The following SMYD3 variants were observed in gnomAD, a reference collection of about 807,000 sequenced individuals.
SMYD3 encodes SET and MYND domain containing 3.
Under a neutral mutation model 57.7 loss-of-function variants are expected in SMYD3, and 36 were observed. That is an observed-to-expected ratio of 0.62 (90% CI 0.48 to 0.82). The LOEUF is 0.82. Among genes scored for constraint, SMYD3 ranks in the 40% least tolerant of loss-of-function variants. The probability of loss-of-function intolerance (pLI) is 0.00; values close to 1 mark genes in which losing one functional copy is unlikely to be tolerated. For synonymous variants in SMYD3, 211 were observed against 195.0 expected, an observed-to-expected ratio of 1.08 and a Z score of -0.68; for missense variants, 515 against 538.8, an observed-to-expected ratio of 0.96 and a Z score of 0.44.
intron 5 of SMYD3, among the ~76,000 whole-genome samples, chr1:246,143,263 C>T (rs955544297): frequency 7.9e-5 from 12 of 152,090 alleles, no homozygotes; most frequent in South Asian, 2.1e-4. Context: ...GCAAGAAATA[C>T]GTCTTCCCAA....
chr1:246,274,730 A>G (rs1215850095), intron 5 of SMYD3, among the ~76,000 whole-genome samples: 4 of 152,102 alleles, frequency 2.6e-5, no homozygotes, highest in African/African-American at 9.7e-5. Flanking sequence ...GGAATATGAC[A>G]AAAAGCACCT....
chr1:246,445,284 T>C (rs939878248), intron 1 of SMYD3, among the ~76,000 whole-genome samples: 3 of 152,164 alleles, frequency 2.0e-5, no homozygotes, highest in Admixed American at 1.3e-4. Flanking sequence ...CTCTCCTGAG[T>C]GTAAATCACT....
chr1:246,261,508 T>C (rs2064012296), intron 5 of SMYD3, among the ~76,000 whole-genome samples: 1 of 152,030 alleles, frequency 6.6e-6, no homozygotes, highest in Admixed American at 6.6e-5. Flanking sequence ...ACAATAAATA[T>C]AGGAAGGTCA....
At chr1:245,860,025 G>A (rs1188813498) in intron 9 of SMYD3, among the ~76,000 whole-genome samples, 2 of 152,150 alleles carry the variant, frequency 1.3e-5, no homozygotes, top group South Asian at 2.1e-4. Flanking sequence ...GGAACATTTC[G>A]TGGCATGCAC....
At chr1:246,049,540 C>T (rs968292641) in intron 5 of SMYD3, among the ~76,000 whole-genome samples, 1 of 151,592 alleles carries the variant, frequency 6.6e-6, no homozygotes, top group East Asian at 1.9e-4. Flanking sequence ...CTCCTGACCT[C>T]GTGATCCGCC....
intron 1 of SMYD3, among the ~76,000 whole-genome samples, chr1:246,454,271 C>A (rs555857593): frequency 6.6e-6 from 1 of 152,226 alleles, no homozygotes; most frequent in South Asian, 2.1e-4. Flanking sequence ...AGTCAAGCAA[C>A]CAGGCAACCA....
intron 5 of SMYD3, among the ~76,000 whole-genome samples, chr1:246,048,374 T>A (rs368765927): frequency 1.3e-5 from 2 of 152,126 alleles, no homozygotes; most frequent in African/African-American, 4.8e-5. Flanking sequence ...AAATTCTACT[T>A]TGAAGAGCCT....
At chr1:246,014,674 G>A (rs2059345910) in intron 5 of SMYD3, among the ~76,000 whole-genome samples, 2 of 152,098 alleles carry the variant, frequency 1.3e-5, no homozygotes, top group Admixed American at 6.5e-5. Context: ...TGGACTTGTA[G>A]ATAACTTCTT....
rs2103082559 is a variant in SMYD3 at position 246,506,439 on chromosome 1, C to A, written c.164+615G>T. On this transcript the variant is annotated intron_variant, in intron 1 of 11. Transcript: ENST00000490107. ...ATGCTCCCACAGCACATTAATTGCC[C>A]CTCTATTTCAGCCCTTCTGGTACAC... is the stretch of plus-strand genomic sequence containing the variant. 2.6e-5 allele frequency among the ~76,000 whole-genome samples: 4 copies of A among 152,282 alleles called. No individual in the cohort carries two copies. The Middle Eastern group carries it at 0.014, about 518-fold the overall frequency.
At chr1:246,348,142 G>C (rs10924700) in intron 2 of SMYD3, among the ~76,000 whole-genome samples, 1 of 147,096 alleles carries the variant, frequency 6.8e-6, no homozygotes, top group Non-Finnish European at 1.5e-5. Context: ...TGGGCCGGGC[G>C]CATTGGCTCA....
intron 5 of SMYD3, among the ~76,000 whole-genome samples, chr1:246,168,978 T>C (rs116042089): frequency 9.1e-4 from 138 of 152,316 alleles, no homozygotes; most frequent in African/African-American, 3.1e-3. Context: ...TCTGGTCCAA[T>C]TAAATTTCCC....
chr1:245,933,382 C>G (rs2056831444), intron 5 of SMYD3, among the ~76,000 whole-genome samples: 1 of 152,116 alleles, frequency 6.6e-6, no homozygotes, highest in South Asian at 2.1e-4. Flanking sequence ...TTTACCATGT[C>G]TTAAAACTAA....
At chr1:246,392,646 C>G (rs1425949547) in intron 1 of SMYD3, among the ~76,000 whole-genome samples, 1 of 152,010 alleles carries the variant, frequency 6.6e-6, no homozygotes, top group Non-Finnish European at 1.5e-5. Flanking sequence ...TGTGGTCTCA[C>G]TCTGTTGCCC....
intron 5 of SMYD3, among the ~76,000 whole-genome samples, chr1:246,089,810 T>C (rs541810241): frequency 1.3e-5 from 2 of 152,114 alleles, no homozygotes; most frequent in Non-Finnish European, 2.9e-5. Context: ...GCCACTCACA[T>C]GTTTTCTCGC....
intron 5 of SMYD3, among the ~76,000 whole-genome samples, chr1:246,009,836 G>T (rs1398465471): frequency 2.4e-5 from 3 of 122,490 alleles, no homozygotes; most frequent in Admixed American, 8.7e-5. Flanking sequence ...TTGAGATGGA[G>T]TCTTGCTCTG....
At chr1:246,116,424 T>A (rs780047232) in intron 5 of SMYD3, among the ~76,000 whole-genome samples, 6 of 152,170 alleles carry the variant, frequency 3.9e-5, no homozygotes, top group African/African-American at 9.7e-5. Context: ...CATAATGGAT[T>A]TGGAACAGAA....
At chr1:245,816,303 G>C (rs2048798030) in intron 10 of SMYD3, among the ~76,000 whole-genome samples, 1 of 152,010 alleles carries the variant, frequency 6.6e-6, no homozygotes, top group African/African-American at 2.4e-5. Context: ...GGGGTGGCTA[G>C]GGGGTGGACA....
At chr1:245,803,719 T>C (rs937946813) in intron 10 of SMYD3, among the ~76,000 whole-genome samples, 1 of 152,172 alleles carries the variant, frequency 6.6e-6, no homozygotes, top group Non-Finnish European at 1.5e-5. Flanking sequence ...TAACAAAAGC[T>C]GGAAGGAAAA....
chr1:246,080,808 G>C (rs2060627016), intron 5 of SMYD3, among the ~76,000 whole-genome samples: 1 of 152,132 alleles, frequency 6.6e-6, no homozygotes, highest in African/African-American at 2.4e-5. Flanking sequence ...TATAAAGGCA[G>C]AAATTTTTTA....
Sources: gnomAD v4.1 joint callset for allele counts (sites outside exome capture counted in the v4.1 genomes callset) on GRCh38, gnomAD v4.1.1 for gene constraint, MANE v1.5 for transcripts, NCBI Gene and HGNC (gene_info 2026-07-23, HGNC 2026-07-21) for gene names.